SLC9C1: variants seen among roughly 807,000 people sequenced by gnomAD.
SLC9C1 encodes the protein sodium/hydrogen exchanger 10.
A neutral mutation model predicts 140.9 loss-of-function variants in SLC9C1; 97 were observed. That is an observed-to-expected ratio of 0.69 (90% CI 0.58 to 0.82). The LOEUF (loss-of-function observed/expected upper bound fraction) is 0.82, where lower values mean the gene tolerates loss of function less well. SLC9C1 is among the 40% of genes least tolerant of loss of function. The probability of loss-of-function intolerance (pLI) is 0.00; values close to 1 mark genes in which losing one functional copy is unlikely to be tolerated. For synonymous variants in SLC9C1, 440 were observed against 442.6 expected, an observed-to-expected ratio of 0.99 and a Z score of 0.07; for missense variants, 1,340 against 1,389.3, an observed-to-expected ratio of 0.96 and a Z score of 0.56.
intron 11 of SLC9C1, among the ~76,000 whole-genome samples, chr3:112,241,783 G>A (rs535245491): frequency 6.6e-6 from 1 of 152,248 alleles, no homozygotes; most frequent in South Asian, 2.1e-4. Context: ...AGAGAACCCA[G>A]AAGAAAAGCT....
At position 112,236,746 on chromosome 3, in the gene SLC9C1, C is replaced by A. The variant is rs149750760; in HGVS notation, c.1446+3094G>T. 1.7e-3 allele frequency among the ~76,000 whole-genome samples: 265 copies of A among 152,284 alleles called. 7 individuals carry two copies. In the East Asian group the frequency reaches 0.045, roughly 26 times the overall value. On this transcript the variant is annotated intron_variant, in intron 12 of 28. Coordinates refer to ENST00000305815, the MANE Select transcript of SLC9C1 (RefSeq NM_183061.3). Reference sequence around the variant, plus strand: ...TATGTACCCAGTAGTCATTCAGGAGCAGGTTGTTTAGTTTCCATGTAGTTG... The same window carrying A: ...TATGTACCCAGTAGTCATTCAGGAGAAGGTTGTTTAGTTTCCATGTAGTTG...
At chr3:112,289,543 T>C (rs1474559191) in intron 1 of SLC9C1, among the ~76,000 whole-genome samples, 1 of 152,226 alleles carries the variant, frequency 6.6e-6, no homozygotes, top group Non-Finnish European at 1.5e-5. Context: ...CAACAACCTT[T>C]GTGTCTCATT....
At chr3:112,202,929 AG>A (rs1368315708) in intron 17 of SLC9C1, among the ~76,000 whole-genome samples, 1 of 151,906 alleles carries the variant, frequency 6.6e-6, no homozygotes, top group Non-Finnish European at 1.5e-5. Flanking sequence ...GCTTCTGCAG[AG>A]TTCATTGATC....
chr3:112,216,083 C>A (rs1309593961), intron 15 of SLC9C1, among the ~76,000 whole-genome samples: 7 of 152,066 alleles, frequency 4.6e-5, no homozygotes, highest in Non-Finnish European at 1.0e-4. Flanking sequence ...TTTGACAAAC[C>A]TGAGAAAAAC....
intron 20 of SLC9C1, chr3:112,185,900 C>T (rs2077529534): frequency 6.3e-7 from 1 of 1,582,240 alleles, no homozygotes; most frequent in Non-Finnish European, 8.5e-7. Context: ...TCTCAGCCAC[C>T]ACCACGTACC....
At chr3:112,170,953 C>T (rs1233235260) in intron 23 of SLC9C1, among the ~76,000 whole-genome samples, 1 of 152,192 alleles carries the variant, frequency 6.6e-6, no homozygotes, top group Non-Finnish European at 1.5e-5. Context: ...GTGGCTCATG[C>T]CTGTAATCTT....
Position 112,182,261 on chromosome 3 carries a change from A to T in SLC9C1, c.2524-3T>A. 6.3e-7 allele frequency: 1 copy of T among 1,596,302 alleles called. No homozygotes were observed. The highest frequency in any genetic ancestry group is 8.5e-7 in the Non-Finnish European group (1 of 1,173,330). On this transcript the variant is annotated splice_polypyrimidine_tract_variant and splice_region_variant and intron_variant, in intron 20 of 28. Transcript: ENST00000305815. ...TCTTTCTTTTTGGCCATGATTAACT[A>T]AAACATAAAATTTAAGAAAAGGGAT...
Position 112,179,575 on chromosome 3 carries a change from T to C in SLC9C1, c.2875A>G (p.Asn959Asp), listed in dbSNP as rs1335945425. Residue 959 changes from asparagine to aspartate, a missense_variant, in exon 23 of 29, where the codon AAT becomes GAT. Asn to Asp is a conservative substitution (Grantham distance 23). Transcript: ENST00000305815. Reference sequence around the variant, plus strand: ...GTGGCAGAATATTTCATAGGTTCATTAGTTAAGCAGTTTATCTCTCCTATT... The same window carrying C: ...GTGGCAGAATATTTCATAGGTTCATCAGTTAAGCAGTTTATCTCTCCTATT... ...EIIGEINCLT[N>D]EPMKYSATCK... 1.2e-6 allele frequency: 2 copies of C among 1,610,572 alleles called. No homozygotes were observed. The highest frequency in any genetic ancestry group is 2.2e-5 in the South Asian group (2 of 89,652).
intron 28 of SLC9C1, among the ~76,000 whole-genome samples, chr3:112,145,805 A>G (rs548021897): frequency 1.3e-5 from 2 of 152,184 alleles, no homozygotes; most frequent in South Asian, 2.1e-4. Flanking sequence ...CCGAAGGCAG[A>G]TAAATGAATC....
chr3:112,235,854 C>T (rs1179428548), intron 12 of SLC9C1, among the ~76,000 whole-genome samples: 4 of 152,064 alleles, frequency 2.6e-5, no homozygotes, highest in Non-Finnish European at 4.4e-5. Context: ...TTTGATGTGC[C>T]ACTGGATTTG....
At position 112,168,945 on chromosome 3, in the gene SLC9C1, C is replaced by A. The variant is rs76007436; in HGVS notation, c.3169G>T (p.Ala1057Ser). ...NLIYVILIHG[A>S]VEDCLLRKTY... is the part of the protein sequence containing the mutation. ...TTTCGTAACAGACAATCTTCTACAG[C>A]TCCATGTATGAGGATAACATAGATT... Residue 1057 changes from alanine (A) to serine (S), a missense_variant, in exon 25 of 29, where the codon GCT becomes TCT. Transcript: ENST00000305815. 0.083 allele frequency: 133,546 copies of A among 1,610,042 alleles called. 6,212 individuals are homozygous for A. The highest frequency in any genetic ancestry group is 0.096 in the Non-Finnish European group (113,070 of 1,178,340).
intron 28 of SLC9C1, among the ~76,000 whole-genome samples, chr3:112,143,388 G>C (rs2074688707): frequency 6.6e-6 from 1 of 152,062 alleles, no homozygotes; most frequent in Non-Finnish European, 1.5e-5. Flanking sequence ...TTTCTCTGCA[G>C]CTTCATCATA....
intron 5 of SLC9C1, among the ~76,000 whole-genome samples, chr3:112,276,910 G>GTGTC (rs2080229432): frequency 6.6e-6 from 1 of 152,072 alleles, no homozygotes; most frequent in Non-Finnish European, 1.5e-5. Flanking sequence ...TACACTTGAT[G>GTGTC]TGTCTCCCCT....
chr3:112,226,013 C>T (rs1181199889), intron 13 of SLC9C1, among the ~76,000 whole-genome samples: 1 of 152,096 alleles, frequency 6.6e-6, no homozygotes, highest in Non-Finnish European at 1.5e-5. Context: ...ACTATCTACA[C>T]AGAAAATCAA....
chr3:112,212,733 G>A (rs920826615), intron 15 of SLC9C1, among the ~76,000 whole-genome samples: 2 of 152,194 alleles, frequency 1.3e-5, no homozygotes, highest in African/African-American at 2.4e-5. Flanking sequence ...CATCCGATTG[G>A]TATACCTGAA....
chr3:112,187,764 A>G (rs977232390), intron 20 of SLC9C1, among the ~76,000 whole-genome samples: 13 of 152,042 alleles, frequency 8.6e-5, no homozygotes, highest in Non-Finnish European at 1.5e-5. Flanking sequence ...CTTCTTCCAC[A>G]TGGGGCAATA....
intron 12 of SLC9C1, among the ~76,000 whole-genome samples, chr3:112,238,331 C>T (rs2079047903): frequency 6.6e-6 from 1 of 152,200 alleles, no homozygotes; most frequent in African/African-American, 2.4e-5. Context: ...GACTTCTCTG[C>T]AATGGTTATT....
chr3:112,191,847 G>A (rs1475751736), intron 20 of SLC9C1, among the ~76,000 whole-genome samples: 7 of 151,928 alleles, frequency 4.6e-5, no homozygotes, highest in Admixed American at 4.6e-4. Flanking sequence ...AAATATCTCA[G>A]AATTATTTAT....
intron 10 of SLC9C1, among the ~76,000 whole-genome samples, chr3:112,261,440 C>A (rs1354523850): frequency 2.0e-5 from 3 of 152,056 alleles, no homozygotes; most frequent in Non-Finnish European, 4.4e-5. Flanking sequence ...ATTACCAATA[C>A]TGTACAATTA....
Sources: gnomAD v4.1 joint callset for allele counts (sites outside exome capture counted in the v4.1 genomes callset) on GRCh38, gnomAD v4.1.1 for gene constraint, MANE v1.5 for transcripts, NCBI Gene and HGNC (gene_info 2026-07-23, HGNC 2026-07-21) for gene names.